Variants in PCDH11Y observed in about 807,000 individuals in gnomAD.
The protein encoded by PCDH11Y is protocadherin 11 Y-linked.
For synonymous variants in PCDH11Y, 9 were observed against 83.6 expected (o/e 0.11, Z 4.87); for missense variants, 12 against 224.8 (o/e 0.05, Z 6.05).
chrY:5,189,132 C>T, intron 2 of PCDH11Y, among the ~76,000 whole-genome samples: 2 of 33,208 alleles, frequency 6.0e-5, no homozygotes, highest in Non-Finnish European at 1.5e-4. Context: ...GAATGCATGT[C>T]GTGTTAACCT....
chrY:5,127,354 C>T, intron 2 of PCDH11Y, among the ~76,000 whole-genome samples: 1 of 31,829 alleles, frequency 3.1e-5, no homozygotes, highest in Non-Finnish European at 7.6e-5. Context: ...TACAGGTGTG[C>T]ACCACCATGC....
At position 5,417,855 on chromosome Y, in the gene PCDH11Y, T is replaced by C. The variant is rs371249437; in HGVS notation, c.3130-83202T>C. 3.9e-3 allele frequency among the ~76,000 whole-genome samples: 128 copies of C among 33,111 alleles called. No individual in the cohort carries two copies. The East Asian group carries it at 0.089, about 23-fold the overall frequency. The allele number at this position is 33,111 out of a possible 37,273, so 88.8% of individuals were successfully genotyped here. A position where few individuals can be genotyped will look rare whatever the true frequency, so the allele number is the denominator to read the frequency against. On this transcript the variant is annotated intron_variant, in intron 2 of 4. Coordinates refer to the PCDH11Y transcript ENST00000400457. ...CACTATCTGACAAAAAAAATGCTTATATATAATGTAAAGAAACACTATCTG... is the reference window on the plus strand; with the variant it reads ...CACTATCTGACAAAAAAAATGCTTACATATAATGTAAAGAAACACTATCTG...
intron 3 of PCDH11Y, among the ~76,000 whole-genome samples, chrY:5,543,904 AG>A: frequency 9.0e-5 from 3 of 33,368 alleles, no homozygotes; most frequent in Admixed American, 5.5e-4. Flanking sequence ...TGAGGCAGTA[AG>A]GTGATGGCAG....
chrY:5,150,746 G>A, intron 2 of PCDH11Y, among the ~76,000 whole-genome samples: 1 of 33,632 alleles, frequency 3.0e-5, no homozygotes, highest in Non-Finnish European at 7.5e-5. Flanking sequence ...TAGTCAATAT[G>A]ATCGCAAGTT....
intron 2 of PCDH11Y, among the ~76,000 whole-genome samples, chrY:5,159,937 A>G: frequency 1.0e-4 from 3 of 29,091 alleles, no homozygotes; most frequent in Non-Finnish European, 2.4e-4. Flanking sequence ...AATTATCTCA[A>G]ACCCTTACAA....
chrY:5,641,151 C>A, intron 4 of PCDH11Y, among the ~76,000 whole-genome samples: 1 of 33,234 alleles, frequency 3.0e-5, no homozygotes, highest in African/African-American at 1.2e-4. Context: ...CTGGATTAGG[C>A]TTTAGCTTAA....
At chrY:5,611,707 C>T in intron 4 of PCDH11Y, among the ~76,000 whole-genome samples, 2 of 29,143 alleles carry the variant, frequency 6.9e-5, no homozygotes, top group Admixed American at 3.1e-4. Flanking sequence ...CCACCCAGTT[C>T]GAGCTTCCCG....
intron 4 of PCDH11Y, among the ~76,000 whole-genome samples, chrY:5,650,336 CAG>C (rs2053530422): frequency 9.0e-5 from 3 of 33,251 alleles, no homozygotes; most frequent in Non-Finnish European, 2.2e-4. Flanking sequence ...TGTGCACACA[CAG>C]AGAGTTTTAT....
chrY:5,037,560 C>T, intron 3 of PCDH11Y: 15 of 120,339 alleles, frequency 1.2e-4, no homozygotes, highest in South Asian at 5.9e-4. Context: ...TAGAGCGAGA[C>T]TCAGTCCCCA....
chrY:5,393,655 C>T, intron 2 of PCDH11Y, among the ~76,000 whole-genome samples: 1 of 1,556 alleles, frequency 6.4e-4, no homozygotes, highest in African/African-American at 2.4e-3. Flanking sequence ...GAAACTCTGC[C>T]TCAAAAAAAA....
At chrY:5,424,366 C>G (rs2053261098) in intron 2 of PCDH11Y, among the ~76,000 whole-genome samples, 1 of 32,988 alleles carries the variant, frequency 3.0e-5, no homozygotes, top group African/African-American at 1.2e-4. Flanking sequence ...TGTTTTTCAC[C>G]ACCTGCTTCA....
chrY:5,352,056 G>A (rs1368060062), intron 2 of PCDH11Y, among the ~76,000 whole-genome samples: 10 of 32,422 alleles, frequency 3.1e-4, no homozygotes, highest in Non-Finnish European at 6.7e-4. Context: ...AAATTTGTCA[G>A]GGTTTAAATA....
chrY:5,356,667 A>G, intron 2 of PCDH11Y, among the ~76,000 whole-genome samples: 11 of 28,947 alleles, frequency 3.8e-4, no homozygotes, highest in Non-Finnish European at 7.3e-4. Flanking sequence ...ACCTGAGGTC[A>G]GGCGTTGGAG....
At chrY:5,537,155 ATGGTACCT>A in intron 3 of PCDH11Y, among the ~76,000 whole-genome samples, 2 of 31,566 alleles carry the variant, frequency 6.3e-5, no homozygotes, top group South Asian at 1.4e-3. Context: ...TTTTGGCAGC[ATGGTACCT>A]TTCACAATAT....
At chrY:5,505,738 A>T in intron 3 of PCDH11Y, among the ~76,000 whole-genome samples, 3 of 32,461 alleles carry the variant, frequency 9.2e-5, no homozygotes, top group African/African-American at 3.5e-4. Context: ...AATTCACAAC[A>T]AGGAAGTAAT....
intron 2 of PCDH11Y, among the ~76,000 whole-genome samples, chrY:5,473,516 T>G: frequency 9.0e-5 from 3 of 33,214 alleles, no homozygotes; most frequent in Non-Finnish European, 2.3e-4. Context: ...CAAAAATACC[T>G]TCTGTTTTAA....
intron 2 of PCDH11Y, among the ~76,000 whole-genome samples, chrY:5,273,245 A>G: frequency 6.0e-5 from 2 of 33,530 alleles, no homozygotes; most frequent in Admixed American, 2.7e-4. Flanking sequence ...AAATAAATTC[A>G]TTCTGTGGCA....
At chrY:5,216,572 G>A in intron 2 of PCDH11Y, among the ~76,000 whole-genome samples, 6 of 29,861 alleles carry the variant, frequency 2.0e-4, no homozygotes, top group Admixed American at 1.9e-3. Context: ...GCTCTTTCAC[G>A]TATTGTATAA....
intron 1 of PCDH11Y, among the ~76,000 whole-genome samples, chrY:5,019,994 T>G (rs1362685552): frequency 9.2e-5 from 3 of 32,550 alleles, no homozygotes; most frequent in Non-Finnish European, 2.2e-4. Context: ...CTTTTAGAAA[T>G]GAAGACTTAG....
Sources: allele counts gnomAD v4.1 joint callset (sites outside exome capture counted in the v4.1 genomes callset), GRCh38; gene constraint gnomAD v4.1.1; transcripts MANE v1.5; gene names NCBI Gene and HGNC (gene_info 2026-07-23, HGNC 2026-07-21).